The following PTPRJ variants were observed in gnomAD, a reference collection of about 807,000 sequenced individuals.
The protein encoded by PTPRJ is receptor-type tyrosine-protein phosphatase eta.
A neutral mutation model predicts 141.3 loss-of-function variants in PTPRJ; 129 were observed. That is an observed-to-expected ratio of 0.91 (90% CI 0.79 to 1.06). The LOEUF (loss-of-function observed/expected upper bound fraction) is 1.06. Ranked by LOEUF, PTPRJ falls within the 50% of genes least tolerant of loss-of-function variation. The pLI, the probability that PTPRJ is intolerant of heterozygous loss-of-function variation, is 0.00. For missense variants in PTPRJ, 1,601 were observed against 1,679.7 expected (o/e 0.95, Z 0.82); for synonymous variants, 610 against 640.5 (o/e 0.95, Z 0.72).
chr11:48,119,580 G>A (rs1026069773), intron 3 of PTPRJ, among the ~76,000 whole-genome samples: 2 of 152,044 alleles, frequency 1.3e-5, no homozygotes, highest in East Asian at 1.9e-4. Flanking sequence ...TGTATTTTTG[G>A]TAGAGACGGG....
chr11:48,028,340 C>T (rs1454353946), intron 1 of PTPRJ, among the ~76,000 whole-genome samples: 2 of 152,216 alleles, frequency 1.3e-5, no homozygotes, highest in Non-Finnish European at 2.9e-5. Context: ...TGCAGTTCTT[C>T]ATGAAATCTG....
At chr11:48,123,535 C>G in intron 4 of PTPRJ, 78 bp from the exon 5 acceptor site, 1 of 1,464,204 alleles carries the variant, frequency 6.8e-7, no homozygotes, top group South Asian at 1.3e-5. Flanking sequence ...CCGCTCCCAG[C>G]ACTGAACCCC....
At chr11:48,028,876 G>A (rs1030318203) in intron 1 of PTPRJ, among the ~76,000 whole-genome samples, 5 of 152,208 alleles carry the variant, frequency 3.3e-5, no homozygotes, top group African/African-American at 1.2e-4. Flanking sequence ...CCACCAGTTT[G>A]CAGCCTTTGT....
chr11:48,153,076 C>A (rs987375178), intron 18 of PTPRJ, among the ~76,000 whole-genome samples: 1 of 152,152 alleles, frequency 6.6e-6, no homozygotes, highest in Admixed American at 6.5e-5. Context: ...TGCTCCTCAC[C>A]TTTACAGAAA....
At chr11:48,032,248 C>A (rs566903309) in intron 1 of PTPRJ, among the ~76,000 whole-genome samples, 200 of 152,260 alleles carry the variant, frequency 1.3e-3, no homozygotes, top group Non-Finnish European at 2.2e-3. Context: ...CTCTGGACTT[C>A]AATGTACTGT....
chr11:48,032,676 T>C (rs2134226356), intron 1 of PTPRJ, among the ~76,000 whole-genome samples: 1 of 152,292 alleles, frequency 6.6e-6, no homozygotes, highest in East Asian at 1.9e-4. Flanking sequence ...GGAGAATTGC[T>C]TGAATCTGGG....
chr11:48,095,062 C>T (rs781177450), intron 1 of PTPRJ, among the ~76,000 whole-genome samples: 6 of 152,172 alleles, frequency 3.9e-5, no homozygotes, highest in Non-Finnish European at 8.8e-5. Context: ...CCATTTTGGA[C>T]TTGCCTGTGG....
Position 48,150,157 on chromosome 11 carries a change from A to G in PTPRJ, c.3112A>G (p.Asn1038Asp), listed in dbSNP as rs1216081672. Residue 1038 changes from asparagine (N) to aspartate (D), a missense_variant, in exon 18 of 25, where the codon AAC (asparagine) becomes GAC (aspartate). Physicochemically the swap from Asn to Asp is conservative, Grantham distance 23. Transcript: ENST00000418331. ...AYFKKQQADS[N>D]CGFAEEYEDL... Reference sequence around the variant, plus strand: ...CTTCAAGAAGCAGCAAGCTGACTCCAACTGTGGGTTCGCAGAGGAATACGA... The same window carrying G: ...CTTCAAGAAGCAGCAAGCTGACTCCGACTGTGGGTTCGCAGAGGAATACGA... 1 of 1,614,040 alleles carries G rather than the reference A, an allele frequency of 6.2e-7. No individual in the cohort carries two copies. Among genetic ancestry groups the G allele is most frequent in the African/African-American group, 1.3e-5 (1 of 74,946 alleles).
intron 1 of PTPRJ, among the ~76,000 whole-genome samples, chr11:48,042,676 C>A (rs970625021): frequency 2.0e-5 from 3 of 151,738 alleles, no homozygotes; most frequent in Non-Finnish European, 2.9e-5. Context: ...TGGAGTACAG[C>A]GGTTTAGAAC....
At position 48,047,063 on chromosome 11, in the gene PTPRJ, G is replaced by A. The variant is rs1024054359; in HGVS notation, c.97-62995G>A. Among the ~76,000 whole-genome samples, 11 of 151,030 alleles carry A rather than the reference G, an allele frequency of 7.3e-5. No individual in the cohort carries two copies. In the East Asian group the frequency reaches 7.8e-4, roughly 11 times the overall value. On this transcript the variant is annotated intron_variant, in intron 1 of 24. Coordinates refer to ENST00000418331, the MANE Select transcript of PTPRJ (RefSeq NM_002843.4). ...CCTGAGTAGCTGGGATTACAGGTGC[G>A]CACCACCACGCCTGGCTAATTTTTG... is the stretch of plus-strand genomic sequence containing the variant.
At chr11:48,065,025 T>G (rs1164286938) in intron 1 of PTPRJ, among the ~76,000 whole-genome samples, 1 of 144,522 alleles carries the variant, frequency 6.9e-6, no homozygotes, top group Non-Finnish European at 1.5e-5. Context: ...TTTTTTTTTT[T>G]TTTTTTGAGA....
intron 1 of PTPRJ, among the ~76,000 whole-genome samples, chr11:48,072,200 C>T (rs866721659): frequency 6.6e-6 from 1 of 152,176 alleles, no homozygotes; most frequent in Non-Finnish European, 1.5e-5. Flanking sequence ...CCACTGTGCC[C>T]AGCCCCAAGA....
intron 19 of PTPRJ, 53 bp from the exon 20 acceptor site, chr11:48,155,741 TGTCCAAC>T: frequency 7.2e-7 from 1 of 1,396,066 alleles, no homozygotes; most frequent in Non-Finnish European, 9.9e-7. Context: ...TTCTGTTTTG[TGTCCAAC>T]TTTACTAAAA....
chr11:48,161,888 C>T (rs1473564558), intron 22 of PTPRJ, among the ~76,000 whole-genome samples: 1 of 152,148 alleles, frequency 6.6e-6, no homozygotes, highest in African/African-American at 2.4e-5. Context: ...GTTAGGATTA[C>T]AGGTGGGAGT....
intron 1 of PTPRJ, among the ~76,000 whole-genome samples, chr11:48,048,810 A>C (rs182816248): frequency 2.0e-5 from 3 of 152,314 alleles, no homozygotes; most frequent in Non-Finnish European, 2.9e-5. Context: ...AAAAATAAAA[A>C]CAAAAATAAA....
chr11:48,032,781 A>G (rs915530700), intron 1 of PTPRJ, among the ~76,000 whole-genome samples: 14 of 152,204 alleles, frequency 9.2e-5, no homozygotes, highest in African/African-American at 3.1e-4. Context: ...CAAAAACAAC[A>G]AAAAACCCCA....
chr11:48,128,614 A>G (rs1230293897), intron 7 of PTPRJ, among the ~76,000 whole-genome samples: 1 of 152,232 alleles, frequency 6.6e-6, no homozygotes, highest in African/African-American at 2.4e-5. Flanking sequence ...TTGATTATAT[A>G]CTATTAAACA....
In PTPRJ at chr11:48,130,609, G is replaced by A. The variant is rs759017720; in HGVS notation, c.1508G>A (p.Ser503Asn). The change falls in exon 8 of 25, where the codon AGT (serine) becomes AAT (asparagine). Residue 503 changes from serine to asparagine, a missense_variant. Physicochemically the swap from Ser to Asn is conservative, Grantham distance 46. Transcript: ENST00000418331. ...NSRVEITTNQ[S>N]IIIGGLFPGT... Reference sequence around the variant, plus strand: ...CGGGTAGAAATAACCACCAACCAAAGTATTATCATTGGTGGCTTGTTCCCT... The same window carrying A: ...CGGGTAGAAATAACCACCAACCAAAATATTATCATTGGTGGCTTGTTCCCT... 1 of 1,614,020 alleles carries A rather than the reference G, an allele frequency of 6.2e-7. No homozygotes were observed. The highest frequency in any genetic ancestry group is 8.5e-7 in the Non-Finnish European group (1 of 1,179,994).
At chr11:48,127,559 T>C (rs1856869707) in intron 6 of PTPRJ, among the ~76,000 whole-genome samples, 1 of 152,180 alleles carries the variant, frequency 6.6e-6, no homozygotes, top group African/African-American at 2.4e-5. Context: ...GAACAAAGAA[T>C]AACCCTGCAG....
Sources: allele counts gnomAD v4.1 joint callset (sites outside exome capture counted in the v4.1 genomes callset), GRCh38; gene constraint gnomAD v4.1.1; transcripts MANE v1.5; gene names NCBI Gene and HGNC (gene_info 2026-07-23, HGNC 2026-07-21).